The following KIAA0319L variants were observed in gnomAD, a reference collection of about 807,000 sequenced individuals.
KIAA0319L encodes KIAA0319 like, also known as dyslexia-associated protein KIAA0319-like protein.
Under a neutral mutation model 120.1 loss-of-function variants are expected in KIAA0319L, and 55 were observed. That is an observed-to-expected ratio of 0.46 (90% CI 0.37 to 0.57). The LOEUF (loss-of-function observed/expected upper bound fraction) is 0.57. Among genes scored for constraint, KIAA0319L ranks in the 20% least tolerant of loss-of-function variants. The pLI, the probability that KIAA0319L is intolerant of heterozygous loss-of-function variation, is 0.00. For missense variants in KIAA0319L, 1,049 were observed against 1,255.3 expected (o/e 0.84, Z 2.48); for synonymous variants, 398 against 471.9 (o/e 0.84, Z 2.03).
chr1:35,452,463 G>A (rs1016389740), intron 12 of KIAA0319L, among the ~76,000 whole-genome samples: 4 of 152,182 alleles, frequency 2.6e-5, no homozygotes, highest in African/African-American at 4.8e-5. Context: ...ATGCCCCAGA[G>A]CTTTTAACTA....
At chr1:35,485,217 T>C (rs1344948025) in intron 3 of KIAA0319L, among the ~76,000 whole-genome samples, 2 of 152,172 alleles carry the variant, frequency 1.3e-5, no homozygotes, top group Non-Finnish European at 2.9e-5. Context: ...GGGCTATTTA[T>C]TGTTTTTAAT....
intron 3 of KIAA0319L, among the ~76,000 whole-genome samples, chr1:35,501,660 T>C (rs1236973943): frequency 1.3e-5 from 2 of 151,152 alleles, no homozygotes; most frequent in Non-Finnish European, 3.0e-5. Flanking sequence ...GCAGATCACC[T>C]GAGGTCAGGA....
chr1:35,452,318 C>A (rs1570646578), intron 12 of KIAA0319L, among the ~76,000 whole-genome samples: 1 of 152,192 alleles, frequency 6.6e-6, no homozygotes, highest in East Asian at 1.9e-4. Flanking sequence ...TGGACAGGGG[C>A]CATCAAGCAC....
At chr1:35,446,066 C>T (rs1446123328) in intron 16 of KIAA0319L, among the ~76,000 whole-genome samples, 4 of 152,236 alleles carry the variant, frequency 2.6e-5, no homozygotes, top group Admixed American at 1.3e-4. Flanking sequence ...TGAGCCCTGA[C>T]TGTAGATTAA....
chr1:35,543,437 C>A lies in KIAA0319L; in HGVS notation c.142+10913G>T, dbSNP rs188201329. Among the ~76,000 whole-genome samples the A allele has an allele frequency of 2.6e-5, 4 of 152,332 alleles. No homozygotes were observed. The East Asian group carries it at 7.7e-4, about 29-fold the overall frequency. The stretch of plus-strand genomic sequence containing the variant: ...TTGCTGTAAGATATATTCCATTAGT[C>A]ATCTGCCTCAATTTGGGTGCCCAAC... On this transcript the variant is annotated intron_variant, in intron 2 of 20. Transcript: ENST00000325722.
intron 3 of KIAA0319L, among the ~76,000 whole-genome samples, chr1:35,498,131 G>A (rs1211435895): frequency 1.3e-5 from 2 of 152,200 alleles, no homozygotes; most frequent in Non-Finnish European, 2.9e-5. Flanking sequence ...TCAGGAGTTC[G>A]AGACCAGCCT....
intron 2 of KIAA0319L, among the ~76,000 whole-genome samples, chr1:35,547,025 A>C (rs1647006706): frequency 6.8e-6 from 1 of 147,024 alleles, no homozygotes; most frequent in Admixed American, 6.8e-5. Context: ...TAAATAATGG[A>C]ATTGCTGGAT....
At chr1:35,539,090 T>C (rs1646694782) in intron 2 of KIAA0319L, among the ~76,000 whole-genome samples, 1 of 152,026 alleles carries the variant, frequency 6.6e-6, no homozygotes, top group Non-Finnish European at 1.5e-5. Flanking sequence ...ACACACACAC[T>C]ACCCACAGGG....
intron 2 of KIAA0319L, among the ~76,000 whole-genome samples, chr1:35,508,425 G>A (rs1048917986): frequency 2.6e-5 from 4 of 152,048 alleles, no homozygotes; most frequent in African/African-American, 7.2e-5. Flanking sequence ...TGACTCCCAC[G>A]GAATACTTAC....
At chr1:35,490,289 A>G (rs1389583421) in intron 3 of KIAA0319L, among the ~76,000 whole-genome samples, 1 of 152,262 alleles carries the variant, frequency 6.6e-6, no homozygotes, top group Non-Finnish European at 1.5e-5. Context: ...GTAGGATAGA[A>G]AAATTAACCC....
chr1:35,491,280 A>G (rs1271033869), intron 3 of KIAA0319L, among the ~76,000 whole-genome samples: 1 of 152,222 alleles, frequency 6.6e-6, no homozygotes, highest in Non-Finnish European at 1.5e-5. Context: ...GGACAGAAAA[A>G]TATTTGAATA....
chr1:35,475,995 T>C (rs1392444866), intron 4 of KIAA0319L, among the ~76,000 whole-genome samples: 1 of 152,254 alleles, frequency 6.6e-6, no homozygotes, highest in East Asian at 1.9e-4. Context: ...TACAGCATTT[T>C]GTTTCTAGCT....
chr1:35,523,064 C>T (rs1645991966), intron 2 of KIAA0319L, among the ~76,000 whole-genome samples: 1 of 151,350 alleles, frequency 6.6e-6, no homozygotes, highest in African/African-American at 2.4e-5. Flanking sequence ...ACCCTACCTA[C>T]CTTTCTAGCT....
At chr1:35,484,408 T>C (rs1644285337) in intron 3 of KIAA0319L, among the ~76,000 whole-genome samples, 1 of 152,140 alleles carries the variant, frequency 6.6e-6, no homozygotes, top group Non-Finnish European at 1.5e-5. Flanking sequence ...CCCCTATCTC[T>C]AAAATAAATA....
chr1:35,557,474 C>T, upstream of KIAA0319L: 1 of 354,252 alleles, frequency 2.8e-6, no homozygotes, highest in Non-Finnish European at 5.6e-6. Flanking sequence ...CCTCCCGCCC[C>T]TCCCCCGGGA....
upstream of KIAA0319L, chr1:35,557,470 G>C (rs369257633): frequency 5.0e-4 from 177 of 352,554 alleles, 2 homozygotes; most frequent in East Asian, 0.012. Flanking sequence ...AAGCCCTCCC[G>C]CCCCTCCCCC....
Position 35,443,113 on chromosome 1 carries a change from G to A in KIAA0319L, c.2657-85C>T, listed in dbSNP as rs567988636. The A allele has an allele frequency of 1.6e-5, 25 of 1,526,970 alleles. No homozygotes were observed. The East Asian group carries it at 2.5e-4, about 15-fold the overall frequency. The allele number at this position is 1,526,970 out of a possible 1,614,324, so 94.6% of individuals were successfully genotyped here. A position where few individuals can be genotyped will look rare whatever the true frequency, so the allele number is the denominator to read the frequency against. ...ACCTAGAGCCCATGAGGGCACCAAA[G>A]CACCCCAGATTAATGCTATGTGGTG... On this transcript the variant is annotated intron_variant, in intron 17 of 20. Coordinates refer to ENST00000325722, the MANE Select transcript of KIAA0319L (RefSeq NM_024874.5).
At chr1:35,519,984 C>G (rs908528231) in intron 2 of KIAA0319L, among the ~76,000 whole-genome samples, 2 of 152,186 alleles carry the variant, frequency 1.3e-5, no homozygotes, top group Non-Finnish European at 2.9e-5. Context: ...TGATCTCACT[C>G]TAAGTAAATG....
chr1:35,449,881 A>G lies in KIAA0319L; in HGVS notation c.2339T>C (p.Val780Ala). ...AATGAACTCACCAGGTTTCACCTCC[A>G]CAGTGGTCCGGTCTGTGTCACTCTC... ...KGESDTDRTT[V>A]EVKPDPRKNN... The change falls in exon 15 of 21, where the codon GTG (valine) becomes GCG (alanine). Residue 780 changes from valine to alanine, a missense_variant. Physicochemically the swap from Val to Ala is moderately conservative, Grantham distance 64. Coordinates refer to ENST00000325722, the MANE Select transcript of KIAA0319L (RefSeq NM_024874.5). 6.2e-7 allele frequency: 1 copy of G among 1,614,140 alleles called. No individual in the cohort carries two copies. The highest frequency in any genetic ancestry group is 1.1e-5 in the South Asian group (1 of 91,086).
Sources: gnomAD v4.1 joint callset for allele counts (sites outside exome capture counted in the v4.1 genomes callset) on GRCh38, gnomAD v4.1.1 for gene constraint, MANE v1.5 for transcripts, NCBI Gene and HGNC (gene_info 2026-07-23, HGNC 2026-07-21) for gene names.